The following DPP10 variants were observed in gnomAD, a reference collection of about 807,000 sequenced individuals.
DPP10 encodes the protein dipeptidyl peptidase like 10.
Under a neutral mutation model 120.9 loss-of-function variants are expected in DPP10, and 33 were observed. The ratio of observed to expected loss-of-function variants is 0.27; its 90% CI spans 0.21 to 0.37. The LOEUF (loss-of-function observed/expected upper bound fraction) is 0.37. DPP10 is among the 10% of genes least tolerant of loss of function. The pLI, the probability that DPP10 is intolerant of heterozygous loss-of-function variation, is 1.00. For missense variants in DPP10, 816 were observed against 942.8 expected, an observed-to-expected ratio of 0.87 and a Z score of 1.76; for synonymous variants, 337 against 326.1, an observed-to-expected ratio of 1.03 and a Z score of -0.36.
chr2:114,822,487 G>A (rs72961604), intron 1 of DPP10, among the ~76,000 whole-genome samples: 3,827 of 152,202 alleles, frequency 0.025, 133 homozygotes, highest in African/African-American at 0.076. Flanking sequence ...CATTTTCCCC[G>A]TTGTCTTGGT....
At chr2:114,730,488 A>G (rs1200118815) in intron 1 of DPP10, among the ~76,000 whole-genome samples, 1 of 152,180 alleles carries the variant, frequency 6.6e-6, no homozygotes, top group Non-Finnish European at 1.5e-5. Flanking sequence ...TGGCATGCAG[A>G]GTTGATCAGT....
intron 1 of DPP10, among the ~76,000 whole-genome samples, chr2:114,565,190 T>C (rs1480798178): frequency 6.6e-6 from 1 of 152,238 alleles, no homozygotes; most frequent in Non-Finnish European, 1.5e-5. Flanking sequence ...ACTCTGTCAC[T>C]ATCTCCTTAG....
At chr2:115,062,561 C>A (rs1355801972) in intron 1 of DPP10, among the ~76,000 whole-genome samples, 1 of 152,120 alleles carries the variant, frequency 6.6e-6, no homozygotes, top group Non-Finnish European at 1.5e-5. Context: ...CCTCAACTGG[C>A]CCCAGTGTGT....
chr2:114,790,819 C>T lies in DPP10; in HGVS notation c.60+347981C>T, dbSNP rs139641886. Among the ~76,000 whole-genome samples, 1,054 of 152,224 alleles carry T rather than the reference C, an allele frequency of 6.9e-3. 10 individuals are homozygous for T. The highest frequency in any genetic ancestry group is 0.011 in the Non-Finnish European group (779 of 68,016). ...TGTCATCAGTTAAGGTGGGGCAGGG[C>T]GTATTCACTTCTTTTGTGATTCTTC... is the stretch of plus-strand genomic sequence containing the variant. On this transcript the variant is annotated intron_variant, in intron 1 of 25. Coordinates refer to ENST00000410059, the MANE Select transcript of DPP10 (RefSeq NM_020868.6).
intron 1 of DPP10, among the ~76,000 whole-genome samples, chr2:114,879,429 T>G (rs994671705): frequency 3.9e-4 from 60 of 152,124 alleles, no homozygotes; most frequent in African/African-American, 1.3e-3. Context: ...ATCTCAACTC[T>G]TTTAAAACTT....
At chr2:114,725,091 C>T (rs982018721) in intron 1 of DPP10, among the ~76,000 whole-genome samples, 2 of 152,158 alleles carry the variant, frequency 1.3e-5, no homozygotes, top group East Asian at 1.9e-4. Context: ...TCTTTTTTTC[C>T]CTTTTCCCTT....
intron 1 of DPP10, among the ~76,000 whole-genome samples, chr2:114,827,852 T>G (rs574126389): frequency 6.6e-6 from 1 of 152,308 alleles, no homozygotes; most frequent in East Asian, 1.9e-4. Flanking sequence ...GTCAACACAC[T>G]CACGTCTCTT....
intron 1 of DPP10, among the ~76,000 whole-genome samples, chr2:114,827,244 G>A (rs1031248323): frequency 5.3e-5 from 8 of 152,196 alleles, no homozygotes; most frequent in African/African-American, 1.9e-4. Flanking sequence ...CTGGAGAGGT[G>A]TGTAATAATT....
intron 7 of DPP10, among the ~76,000 whole-genome samples, chr2:115,712,383 C>A (rs1314014029): frequency 6.6e-6 from 1 of 150,768 alleles, no homozygotes; most frequent in Non-Finnish European, 1.5e-5. Flanking sequence ...ACAGATGAAG[C>A]CCATGGTTCA....
chr2:115,630,046 G>GT (rs2149313292), intron 5 of DPP10, among the ~76,000 whole-genome samples: 2 of 152,202 alleles, frequency 1.3e-5, no homozygotes, highest in South Asian at 4.1e-4. Flanking sequence ...AACATGGAAT[G>GT]TTTTTCCATT....
intron 5 of DPP10, among the ~76,000 whole-genome samples, chr2:115,641,722 G>C (rs968567746): frequency 2.0e-5 from 3 of 152,126 alleles, no homozygotes; most frequent in African/African-American, 7.2e-5. Context: ...GGTTCAATGT[G>C]CATGTGGAAT....
chr2:114,736,481 T>G (rs938155199), intron 1 of DPP10, among the ~76,000 whole-genome samples: 2 of 152,192 alleles, frequency 1.3e-5, no homozygotes, highest in Non-Finnish European at 2.9e-5. Context: ...GTAAACATAT[T>G]TTAATGATGG....
intron 1 of DPP10, among the ~76,000 whole-genome samples, chr2:114,663,777 T>A (rs1050074452): frequency 6.6e-6 from 1 of 151,412 alleles, no homozygotes; most frequent in Non-Finnish European, 1.5e-5. Context: ...TGTGTGACCA[T>A]GAGCGATTTA....
intron 3 of DPP10, among the ~76,000 whole-genome samples, chr2:115,377,988 A>T (rs2065950116): frequency 1.3e-5 from 2 of 151,798 alleles, no homozygotes. Flanking sequence ...AGGTAGTGTG[A>T]TGCCTCCAGC....
At chr2:115,246,816 C>T (rs1277547407) in intron 1 of DPP10, among the ~76,000 whole-genome samples, 1 of 152,142 alleles carries the variant, frequency 6.6e-6, no homozygotes, top group African/African-American at 2.4e-5. Context: ...AGTATAACCA[C>T]ATCTACCATG....
Position 115,650,413 on chromosome 2 carries a change from G to C in DPP10, c.442-39274G>C, listed in dbSNP as rs572954849. Among the ~76,000 whole-genome samples the C allele has an allele frequency of 1.3e-3, 187 of 144,396 alleles. No homozygotes were observed. In the South Asian group the frequency reaches 0.014, roughly 11 times the overall value. The allele number at this position is 144,396 out of a possible 152,430, so 94.7% of individuals were successfully genotyped here. ...AGGCACATGCTGGCATGGGGAAAGG[G>C]GGGGGGGGATAATCCACTTGACAAC... On this transcript the variant is annotated intron_variant, in intron 5 of 25. Coordinates refer to ENST00000410059, the MANE Select transcript of DPP10 (RefSeq NM_020868.6).
intron 3 of DPP10, among the ~76,000 whole-genome samples, chr2:115,486,993 C>A (rs997189091): frequency 6.6e-6 from 1 of 152,078 alleles, no homozygotes; most frequent in Non-Finnish European, 1.5e-5. Flanking sequence ...TAAAAACGAA[C>A]TTTATTCTGG....
chr2:115,750,485 C>A (rs1678564760), intron 10 of DPP10, among the ~76,000 whole-genome samples: 1 of 152,124 alleles, frequency 6.6e-6, no homozygotes, highest in Non-Finnish European at 1.5e-5. Flanking sequence ...AGCTTTCATT[C>A]TTCAGATTGT....
intron 5 of DPP10, among the ~76,000 whole-genome samples, chr2:115,673,507 T>G (rs2090060897): frequency 1.3e-5 from 2 of 152,150 alleles, no homozygotes; most frequent in South Asian, 4.1e-4. Context: ...ACCTAGATAA[T>G]CCTAATAACA....
Sources: gnomAD v4.1 joint callset for allele counts (sites outside exome capture counted in the v4.1 genomes callset) on GRCh38, gnomAD v4.1.1 for gene constraint, MANE v1.5 for transcripts, NCBI Gene and HGNC (gene_info 2026-07-23, HGNC 2026-07-21) for gene names.